The following TMEM108 variants were observed in gnomAD, a reference collection of about 807,000 sequenced individuals.
TMEM108 encodes cancer/testis antigen 124.
In TMEM108, 12 loss-of-function variants were observed where a neutral mutation model predicts 35.1. The observed-to-expected ratio is 0.34, with a 90% CI of 0.22 to 0.55. The LOEUF is 0.55. Ranked by LOEUF, TMEM108 falls within the 20% of genes least tolerant of loss-of-function variation. The pLI is 0.89. For missense variants in TMEM108, 680 were observed against 753.3 expected (o/e 0.90, Z 1.14); for synonymous variants, 287 against 308.6 (o/e 0.93, Z 0.73).
intron 3 of TMEM108, among the ~76,000 whole-genome samples, chr3:133,375,237 A>C (rs1015051965): frequency 6.6e-6 from 1 of 152,214 alleles, no homozygotes; most frequent in Non-Finnish European, 1.5e-5. Context: ...AAATAAACAG[A>C]AGGAGGAGGA....
intron 3 of TMEM108, among the ~76,000 whole-genome samples, chr3:133,369,516 C>T (rs1325093072): frequency 6.6e-6 from 1 of 152,184 alleles, no homozygotes; most frequent in Non-Finnish European, 1.5e-5. Flanking sequence ...TACCCTGACT[C>T]CGCAGTTGGA....
At chr3:133,312,461 A>G (rs1182294439) in intron 3 of TMEM108, among the ~76,000 whole-genome samples, 2 of 152,252 alleles carry the variant, frequency 1.3e-5, no homozygotes, top group African/African-American at 4.8e-5. Flanking sequence ...CCCCGCCACA[A>G]GGCAGCAGCC....
At chr3:133,149,711 A>G (rs1041228344) in intron 2 of TMEM108, among the ~76,000 whole-genome samples, 21 of 152,194 alleles carry the variant, frequency 1.4e-4, no homozygotes, top group African/African-American at 5.1e-4. Context: ...TCCCTCAGGT[A>G]TATGTACCAG....
rs565944810 is a variant in TMEM108, at chr3:133,178,300, T to C, written c.-46-50966T>C. Among the ~76,000 whole-genome samples, 120 of 152,198 alleles carry C rather than the reference T, an allele frequency of 7.9e-4. No homozygotes were observed. The Middle Eastern group carries it at 0.01, about 13-fold the overall frequency. The stretch of plus-strand genomic sequence containing the variant: ...GCTGCCAATGACTGTCTTCACAGAA[T>C]TGGAAAAAACTAAAGTTCATATGGA... On this transcript the variant is annotated intron_variant, in intron 2 of 5. Transcript: ENST00000321871.
At chr3:133,083,194 C>T (rs1457359665) in intron 2 of TMEM108, among the ~76,000 whole-genome samples, 1 of 145,466 alleles carries the variant, frequency 6.9e-6, no homozygotes, top group Non-Finnish European at 1.5e-5. Flanking sequence ...CCCGCCGCCC[C>T]ACTCCTCAGC....
intron 4 of TMEM108, chr3:133,386,340 CG>C: frequency 6.7e-7 from 1 of 1,490,810 alleles, no homozygotes; most frequent in South Asian, 1.2e-5. Flanking sequence ...CAAACAGGCC[CG>C]GGAAAGAGCA....
chr3:133,354,719 CAGAGAGGGGCATA>C lies in TMEM108; in HGVS notation c.41-25030_41-25018del, dbSNP rs560956708. ...TAAACAGAACCCAGCAAGCCCAGCT[CAGAGAGGGGCATA>C]AGGAGCCAGGCAGACTTTTTCACTG... is the stretch of plus-strand genomic sequence containing the variant. On this transcript the variant is annotated intron_variant, in intron 3 of 5. Coordinates refer to ENST00000321871, the MANE Select transcript of TMEM108 (RefSeq NM_023943.4). Among the ~76,000 whole-genome samples the C allele has an allele frequency of 2.0e-4, 31 of 152,168 alleles. No individual in the cohort carries two copies. The South Asian group carries it at 5.8e-3, about 29-fold the overall frequency.
intron 3 of TMEM108, among the ~76,000 whole-genome samples, chr3:133,320,786 A>G (rs1393748296): frequency 6.6e-6 from 1 of 152,208 alleles, no homozygotes; most frequent in African/African-American, 2.4e-5. Flanking sequence ...CAGGTAACCT[A>G]TAAAGGAAAA....
At position 133,396,536 on chromosome 3, in the gene TMEM108, A is replaced by C. The variant is rs902398449; in HGVS notation, c.*550A>C. The stretch of plus-strand genomic sequence containing the variant: ...TGGAGCCTTATGACGGCACCATTGG[A>C]TGTCATGTTTAATTCCATCCAAGTT... On this transcript the variant is annotated 3_prime_UTR_variant, in exon 6 of 6. Coordinates refer to ENST00000321871, the MANE Select transcript of TMEM108 (RefSeq NM_023943.4). The C allele has an allele frequency of 9.2e-5, 14 of 152,214 alleles. 1 individual carries two copies. The highest frequency in any genetic ancestry group is 3.4e-4 in the African/African-American group (14 of 41,524). 9.4% of individuals were successfully genotyped at this position (152,214 alleles called of 1,614,324 possible). A position where few individuals can be genotyped will look rare whatever the true frequency, so the allele number is the denominator to read the frequency against.
intron 3 of TMEM108, among the ~76,000 whole-genome samples, chr3:133,232,861 G>A (rs1559876522): frequency 6.6e-6 from 1 of 152,198 alleles, no homozygotes; most frequent in Non-Finnish European, 1.5e-5. Context: ...GAAAGCTTGA[G>A]TATGAGGGTG....
At chr3:133,156,015 T>C (rs1390262735) in intron 2 of TMEM108, among the ~76,000 whole-genome samples, 1 of 151,882 alleles carries the variant, frequency 6.6e-6, no homozygotes, top group Non-Finnish European at 1.5e-5. Context: ...TTTATTTTTG[T>C]ATAATACGTA....
intron 3 of TMEM108, among the ~76,000 whole-genome samples, chr3:133,290,921 A>G (rs975256193): frequency 2.0e-5 from 3 of 152,194 alleles, no homozygotes; most frequent in Admixed American, 6.5e-5. Context: ...TTTTATGCAA[A>G]TAAGTCATGT....
At chr3:133,105,600 G>A (rs977386763) in intron 2 of TMEM108, among the ~76,000 whole-genome samples, 1 of 151,602 alleles carries the variant, frequency 6.6e-6, no homozygotes, top group Non-Finnish European at 1.5e-5. Flanking sequence ...GAATAACCAA[G>A]CAACAGGAAA....
chr3:133,144,891 A>G (rs1052553697), intron 2 of TMEM108, among the ~76,000 whole-genome samples: 1 of 152,110 alleles, frequency 6.6e-6, no homozygotes, highest in Non-Finnish European at 1.5e-5. Flanking sequence ...GATAGATTGC[A>G]AAAATTTTCT....
chr3:133,113,368 A>G (rs1173482092), intron 2 of TMEM108, among the ~76,000 whole-genome samples: 6 of 152,138 alleles, frequency 3.9e-5, no homozygotes, highest in Admixed American at 6.5e-5. Context: ...AAACAAATTC[A>G]TGTTTTCAAA....
At chr3:133,373,348 C>CAAAAAA (rs59367666) in intron 3 of TMEM108, among the ~76,000 whole-genome samples, 4 of 79,912 alleles carry the variant, frequency 5.0e-5, no homozygotes, top group African/African-American at 1.1e-4. Context: ...GACCTTGTCT[C>CAAAAAA]AAAAAAAAAA....
intron 3 of TMEM108, among the ~76,000 whole-genome samples, chr3:133,369,762 G>A (rs1440126656): frequency 6.6e-6 from 1 of 152,136 alleles, no homozygotes; most frequent in Non-Finnish European, 1.5e-5. Flanking sequence ...CTGGCATTAA[G>A]GCAGGGAGCA....
chr3:133,369,875 G>A (rs1020962190), intron 3 of TMEM108, among the ~76,000 whole-genome samples: 18 of 152,164 alleles, frequency 1.2e-4, no homozygotes, highest in Non-Finnish European at 2.4e-4. Flanking sequence ...CCTCCCTTCA[G>A]TTATGTCCCC....
rs182727809 is a variant in TMEM108 at position 133,288,872 on chromosome 3, A to G, written c.40+59521A>G. ...TGTCTCAGCCTCCCAACTAGCTGGG[A>G]CTACGGGTGTGTGCCACCACACCTG... On this transcript the variant is annotated intron_variant, in intron 3 of 5. Transcript: ENST00000321871. 2.3e-3 allele frequency among the ~76,000 whole-genome samples: 349 copies of G among 152,130 alleles called. 2 individuals are homozygous for G. The highest frequency in any genetic ancestry group is 7.9e-3 in the African/African-American group (327 of 41,508).
Sources: allele counts gnomAD v4.1 joint callset (sites outside exome capture counted in the v4.1 genomes callset), GRCh38; gene constraint gnomAD v4.1.1; transcripts MANE v1.5; gene names NCBI Gene and HGNC (gene_info 2026-07-23, HGNC 2026-07-21).